The following BRD4 variants were observed in gnomAD, a reference collection of about 807,000 sequenced individuals.
BRD4 encodes bromodomain-containing protein 4.
A neutral mutation model predicts 142.1 loss-of-function variants in BRD4; 16 were observed. The ratio of observed to expected loss-of-function variants is 0.11; its 90% CI spans 0.08 to 0.17. The LOEUF is 0.17. Ranked by LOEUF, BRD4 falls within the 10% of genes least tolerant of loss-of-function variation. BRD4 has a pLI of 1.00. For missense variants in BRD4, 1,424 were observed against 1,810.9 expected (o/e 0.79, Z 3.88); for synonymous variants, 833 against 707.5 (o/e 1.18, Z -2.82).
chr19:15,320,919 G>C (rs546383161), intron 1 of BRD4, among the ~76,000 whole-genome samples: 1 of 152,294 alleles, frequency 6.6e-6, no homozygotes, highest in South Asian at 2.1e-4. Flanking sequence ...CTCCAAGTTC[G>C]GGGGTACATT....
At chr19:15,249,275 A>C in intron 11 of BRD4, 1 of 1,614,036 alleles carries the variant, frequency 6.2e-7, no homozygotes, top group Non-Finnish European at 8.5e-7. Flanking sequence ...GTCCGTGTCC[A>C]ATGATTAGGC....
intron 7 of BRD4, among the ~76,000 whole-genome samples, chr19:15,262,240 G>C (rs957320682): frequency 2.6e-5 from 4 of 152,308 alleles, no homozygotes; most frequent in Non-Finnish European, 5.9e-5. Flanking sequence ...CCTCACTTCT[G>C]CCCTGGAAGC....
At chr19:15,326,667 G>GA (rs1211895096) in intron 1 of BRD4, among the ~76,000 whole-genome samples, 1 of 151,946 alleles carries the variant, frequency 6.6e-6, no homozygotes, top group African/African-American at 2.4e-5. Flanking sequence ...TTTGTTTAAA[G>GA]AAAAAGCCTT....
At chr19:15,275,548 C>T (rs2047637265) in intron 1 of BRD4, 1 of 152,230 alleles carries the variant, frequency 6.6e-6, no homozygotes, top group Admixed American at 6.5e-5. Flanking sequence ...ATGGTCGTGA[C>T]ACAGTGGCCA....
intron 14 of BRD4, among the ~76,000 whole-genome samples, chr19:15,242,004 G>A (rs925874348): frequency 6.6e-6 from 1 of 151,982 alleles, no homozygotes; most frequent in Non-Finnish European, 1.5e-5. Context: ...GTACAGATAG[G>A]GTTTCACCAT....
chr19:15,246,112 C>G (rs1052940978), intron 11 of BRD4, among the ~76,000 whole-genome samples: 4 of 152,192 alleles, frequency 2.6e-5, no homozygotes, highest in Non-Finnish European at 5.9e-5. Flanking sequence ...ACTGGGGACA[C>G]GGGGGAACCT....
In BRD4 at chr19:15,242,913, G is replaced by A. The variant is rs1172368119; in HGVS notation, c.3156C>T (p.Asp1052=). The change falls in exon 14 of 20, where the codon GAC becomes GAT. Residue 1052 remains aspartate, a synonymous_variant. Coordinates refer to ENST00000679869, the MANE Select transcript of BRD4 (RefSeq NM_001379291.1). ...HHHSPRHHKS[D]PYSTGHLREA... ...AGGACCACTTACCGGTTGAGTAGGG[G>A]TCCGACTTGTGGTGCCGGGGTGAAT... 1.2e-6 allele frequency: 2 copies of A among 1,607,314 alleles called. No homozygotes were observed. Among genetic ancestry groups the A allele is most frequent in the Admixed American group, 3.4e-5 (2 of 59,236 alleles).
intron 2 of BRD4, among the ~76,000 whole-genome samples, chr19:15,271,616 C>T (rs1427869032): frequency 6.6e-6 from 1 of 152,176 alleles, no homozygotes; most frequent in African/African-American, 2.4e-5. Context: ...TGGACCCTGT[C>T]CAGCCCAGCT....
In BRD4 at chr19:15,273,178, T is replaced by TG. The variant is rs1313614833; in HGVS notation, c.-34-46dup. The TG allele has an allele frequency of 4.0e-6, 6 of 1,496,968 alleles. No homozygotes were observed. The Admixed American group carries it at 1.3e-4, about 32-fold the overall frequency. 92.7% of individuals were successfully genotyped at this position (1,496,968 alleles called of 1,614,324 possible). On this transcript the variant is annotated intron_variant, in intron 1 of 19. Transcript: ENST00000679869. Reference sequence around the variant, plus strand: ...CCCCCGTGAGATATCAGTCAGCAGATGGGCACCGCTCAGAATGACAAGTCC... The same window carrying TG: ...CCCCCGTGAGATATCAGTCAGCAGATGGGGCACCGCTCAGAATGACAAGTCC...
At chr19:15,325,170 C>T (rs930416264) in intron 1 of BRD4, among the ~76,000 whole-genome samples, 13 of 152,212 alleles carry the variant, frequency 8.5e-5, no homozygotes, top group Admixed American at 8.5e-4. Flanking sequence ...AAGGCACTGT[C>T]TCATTTTAAC....
chr19:15,295,614 C>A (rs975209091), intron 1 of BRD4, among the ~76,000 whole-genome samples: 1 of 152,210 alleles, frequency 6.6e-6, no homozygotes, highest in South Asian at 2.1e-4. Context: ...CAAGTCCGAA[C>A]TAATGTAATA....
In BRD4 at chr19:15,283,787, G is replaced by A. The variant is rs561415087; in HGVS notation, c.-34-10654C>T. On this transcript the variant is annotated intron_variant, in intron 1 of 19. Coordinates refer to ENST00000679869, the MANE Select transcript of BRD4 (RefSeq NM_001379291.1). The stretch of plus-strand genomic sequence containing the variant: ...TCTTAAGTTTCTTCTCAAAGCAGCA[G>A]AGCAGCGGCTGACTCAAGGTGTCCC... 2.1e-3 allele frequency among the ~76,000 whole-genome samples: 314 copies of A among 152,322 alleles called. 1 individual carries two copies. The highest frequency in any genetic ancestry group is 2.0e-3 in the Non-Finnish European group (139 of 68,020).
rs2047214427 is a variant in BRD4, at chr19:15,238,854, C to CGCA, written c.3906_3908dup (p.Ala1303dup). ...CCTGTGGGGTGGCGGCGGCAGCCAC[C>CGCA]GCAGCTGCTTGCTGTTGCTGCTGCT... On this transcript the variant is annotated inframe_insertion, in exon 19 of 20. Coordinates refer to ENST00000679869, the MANE Select transcript of BRD4 (RefSeq NM_001379291.1). This position sits in a 1 kb window ranked among gnomAD's most constrained non-coding sequence, Gnocchi z 7.2. 6.2e-7 allele frequency: 1 copy of CGCA among 1,602,194 alleles called. No individual in the cohort carries two copies. Among genetic ancestry groups the CGCA allele is most frequent in the Non-Finnish European group, 8.5e-7 (1 of 1,175,090 alleles).
At chr19:15,298,897 A>C (rs1247059319) in intron 1 of BRD4, among the ~76,000 whole-genome samples, 4 of 152,172 alleles carry the variant, frequency 2.6e-5, no homozygotes, top group African/African-American at 9.7e-5. Flanking sequence ...AGCCCAGGAT[A>C]ATTTCCTAGG....
intron 11 of BRD4, among the ~76,000 whole-genome samples, chr19:15,250,037 TC>T (rs1438526135): frequency 6.6e-6 from 1 of 152,102 alleles, no homozygotes; most frequent in East Asian, 1.9e-4. Flanking sequence ...CTGGGCTTGT[TC>T]CCACCCACGT....
chr19:15,243,148 G>T lies in BRD4; in HGVS notation c.2921C>A (p.Pro974Gln), dbSNP rs1354137520. Residue 974 changes from proline to glutamine, a missense_variant, in exon 14 of 20, where the codon CCG becomes CAG. Transcript: ENST00000679869. ...PSVQQQLQQQ[P>Q]PPPPPPQPQP... ...GGGCTGGGGTGGTGGGGGTGGTGGC[G>T]GCTGCTGCTGCAGCTGCTGCTGCAC... 2.7e-6 allele frequency: 3 copies of T among 1,117,890 alleles called. No homozygotes were observed. Among genetic ancestry groups the T allele is most frequent in the Non-Finnish European group, 3.7e-6 (3 of 815,178 alleles). 69.2% of individuals were successfully genotyped at this position (1,117,890 alleles called of 1,614,324 possible). A position where few individuals can be genotyped will look rare whatever the true frequency, so the allele number is the denominator to read the frequency against.
rs370451418 is a variant in BRD4 at position 15,239,652 on chromosome 19, C to G, written c.3445+7G>C. On this transcript the variant is annotated splice_region_variant and intron_variant, in intron 16 of 19. Coordinates refer to ENST00000679869, the MANE Select transcript of BRD4 (RefSeq NM_001379291.1). This position sits in a 1 kb window ranked among gnomAD's most constrained non-coding sequence, Gnocchi z 7.4. ...GAGCCCTGGCTGTGGGCAGGGAGAG[C>G]ACTCACGCTGGGGCAGGTGGACGGG... 6.4e-7 allele frequency: 1 copy of G among 1,573,104 alleles called. No individual in the cohort carries two copies.
intron 4 of BRD4, 65 bp downstream of exon 4, chr19:15,267,351 C>T: frequency 6.3e-7 from 1 of 1,583,700 alleles, no homozygotes; most frequent in South Asian, 1.1e-5. Flanking sequence ...CAGCCCCCCA[C>T]CAAACTTGGA....
chr19:15,317,279 C>T (rs895293462), intron 1 of BRD4, among the ~76,000 whole-genome samples: 1 of 152,172 alleles, frequency 6.6e-6, no homozygotes, highest in Non-Finnish European at 1.5e-5. Context: ...TAGAAATATT[C>T]GCTAAAACAG....
Sources: gnomAD v4.1 joint callset for allele counts (sites outside exome capture counted in the v4.1 genomes callset) on GRCh38, gnomAD v4.1.1 for gene constraint, Gnocchi (gnomAD v3.1) non-coding constraint, MANE v1.5 for transcripts, NCBI Gene and HGNC (gene_info 2026-07-23, HGNC 2026-07-21) for gene names.